Variants in DLG2 observed in about 807,000 individuals in gnomAD.
The protein encoded by DLG2 is discs large MAGUK scaffold protein 2, also known as disks large homolog 2.
DLG2 carries 45 observed loss-of-function variants against 132.5 expected under a neutral mutation model. That is an observed-to-expected ratio of 0.34 (90% CI 0.27 to 0.44). DLG2 has a LOEUF of 0.44. Among genes scored for constraint, DLG2 ranks in the 20% least tolerant of loss-of-function variants. The pLI is 1.00. For missense variants in DLG2, 1,045 were observed against 1,196.9 expected (o/e 0.87, Z 1.87); for synonymous variants, 424 against 419.6 (o/e 1.01, Z -0.13).
At chr11:84,371,904 C>T (rs1332202811) in intron 7 of DLG2, among the ~76,000 whole-genome samples, 2 of 152,106 alleles carry the variant, frequency 1.3e-5, no homozygotes, top group African/African-American at 2.4e-5. Context: ...ACCCACTTCA[C>T]GGAAAAGGGC....
chr11:84,709,981 G>A (rs1178697607), intron 6 of DLG2, among the ~76,000 whole-genome samples: 1 of 151,886 alleles, frequency 6.6e-6, no homozygotes, highest in Non-Finnish European at 1.5e-5. Flanking sequence ...ATCTGGAGCA[G>A]GGCCTTCAAC....
At chr11:84,400,925 T>G (rs904153931) in intron 7 of DLG2, among the ~76,000 whole-genome samples, 13 of 152,148 alleles carry the variant, frequency 8.5e-5, no homozygotes, top group Admixed American at 2.6e-4. Flanking sequence ...ATCAGCAGCA[T>G]CATCGTCATC....
At chr11:83,952,097 C>T (rs971606373) in intron 14 of DLG2, among the ~76,000 whole-genome samples, 1 of 152,146 alleles carries the variant, frequency 6.6e-6, no homozygotes, top group Non-Finnish European at 1.5e-5. Flanking sequence ...GTAATCCCAG[C>T]ACTTTGGGAG....
intron 7 of DLG2, among the ~76,000 whole-genome samples, chr11:84,478,984 T>C (rs2099129407): frequency 6.6e-6 from 1 of 152,114 alleles, no homozygotes; most frequent in Non-Finnish European, 1.5e-5. Flanking sequence ...TGTGACCTGG[T>C]AAAATACTAC....
At chr11:85,259,050 A>G (rs996142077) in intron 4 of DLG2, among the ~76,000 whole-genome samples, 1 of 152,150 alleles carries the variant, frequency 6.6e-6, no homozygotes, top group Non-Finnish European at 1.5e-5. Context: ...CTTTAAGACT[A>G]ATTCCCTTAC....
chr11:84,463,305 A>C (rs2099085323), intron 7 of DLG2, among the ~76,000 whole-genome samples: 1 of 151,228 alleles, frequency 6.6e-6, no homozygotes, highest in African/African-American at 2.4e-5. Flanking sequence ...AATAAAAATA[A>C]GTCAGAAATG....
Position 84,885,138 on chromosome 11 carries a change from T to C in DLG2, c.357+226523A>G, listed in dbSNP as rs1042978501. Among the ~76,000 whole-genome samples, 3 of 152,100 alleles carry C rather than the reference T, an allele frequency of 2.0e-5. No individual in the cohort carries two copies. The East Asian group carries it at 5.8e-4, about 29-fold the overall frequency. On this transcript the variant is annotated intron_variant, in intron 6 of 27. Transcript: ENST00000376104. ...AAGAAGGTTGAGGACTACTGTAAAA[T>C]GGAAAGCATATCCATTAACCTCACA...
intron 6 of DLG2, among the ~76,000 whole-genome samples, chr11:85,024,845 T>C (rs35146872): frequency 6.6e-6 from 1 of 152,214 alleles, no homozygotes; most frequent in Non-Finnish European, 1.5e-5. Context: ...TTTCTCAAAA[T>C]GTCTGCAGAG....
intron 3 of DLG2, among the ~76,000 whole-genome samples, chr11:85,429,583 T>G (rs556069081): frequency 2.2e-4 from 34 of 152,318 alleles, no homozygotes; most frequent in African/African-American, 7.7e-4. Context: ...AAGACATTTA[T>G]GCAGCCAAAA....
At chr11:85,513,439 G>A (rs964630168) in intron 3 of DLG2, among the ~76,000 whole-genome samples, 6 of 151,962 alleles carry the variant, frequency 3.9e-5, no homozygotes, top group Non-Finnish European at 7.4e-5. Flanking sequence ...TGTACTTCAA[G>A]AGACAAATTG....
At chr11:83,865,361 T>C (rs1177042069) in intron 16 of DLG2, among the ~76,000 whole-genome samples, 1 of 151,930 alleles carries the variant, frequency 6.6e-6, no homozygotes, top group Non-Finnish European at 1.5e-5. Flanking sequence ...CTTACAAAGC[T>C]GCTATTAGGA....
intron 8 of DLG2, among the ~76,000 whole-genome samples, chr11:84,250,639 C>T (rs139688675): frequency 3.9e-4 from 59 of 152,322 alleles, no homozygotes; most frequent in Non-Finnish European, 7.8e-4. Context: ...TCCAATCTTC[C>T]CTGCCCAGCC....
intron 6 of DLG2, among the ~76,000 whole-genome samples, chr11:84,859,346 G>C (rs2154027734): frequency 7.0e-6 from 1 of 142,234 alleles, no homozygotes; most frequent in East Asian, 2.0e-4. Context: ...TATATATGTA[G>C]ATTTTATAAA....
At chr11:85,028,906 C>A (rs1188842579) in intron 6 of DLG2, among the ~76,000 whole-genome samples, 1 of 152,154 alleles carries the variant, frequency 6.6e-6, no homozygotes, top group Non-Finnish European at 1.5e-5. Flanking sequence ...GAGCGCGCAG[C>A]CCCAGCTGTG....
At chr11:84,324,511 A>T (rs1287559548) in intron 7 of DLG2, among the ~76,000 whole-genome samples, 1 of 151,728 alleles carries the variant, frequency 6.6e-6, no homozygotes, top group East Asian at 1.9e-4. Flanking sequence ...CTTTCTCATG[A>T]TTGTTTTGGC....
intron 6 of DLG2, among the ~76,000 whole-genome samples, chr11:84,580,047 C>A (rs1288923859): frequency 6.6e-6 from 1 of 152,076 alleles, no homozygotes. Flanking sequence ...AGTTTGAGAT[C>A]CTGTAGAATA....
intron 17 of DLG2, among the ~76,000 whole-genome samples, chr11:83,813,167 G>T (rs1000895134): frequency 3.3e-5 from 5 of 152,118 alleles, no homozygotes. Flanking sequence ...CCTCTTGCTG[G>T]TTCCAAAGCC....
intron 6 of DLG2, among the ~76,000 whole-genome samples, chr11:84,676,800 C>T (rs1241148668): frequency 6.6e-6 from 1 of 151,726 alleles, no homozygotes; most frequent in East Asian, 1.9e-4. Flanking sequence ...AATATGTGCT[C>T]AAAGAAATAT....
At chr11:83,689,027 C>G (rs1408020938) in intron 18 of DLG2, among the ~76,000 whole-genome samples, 1 of 152,146 alleles carries the variant, frequency 6.6e-6, no homozygotes, top group East Asian at 1.9e-4. Context: ...AGGTCATATT[C>G]TCCCTCTCCT....
Sources: gnomAD v4.1 joint callset for allele counts (sites outside exome capture counted in the v4.1 genomes callset) on GRCh38, gnomAD v4.1.1 for gene constraint, MANE v1.5 for transcripts, NCBI Gene and HGNC (gene_info 2026-07-23, HGNC 2026-07-21) for gene names.